EFHB: variants seen among roughly 807,000 people sequenced by gnomAD.
EFHB encodes EF-hand domain-containing family member B.
A neutral mutation model predicts 87.2 loss-of-function variants in EFHB; 91 were observed. That is an observed-to-expected ratio of 1.04 (90% CI 0.88 to 1.24). EFHB has a LOEUF of 1.24. Ranked by LOEUF, EFHB falls within the 50% of genes most tolerant of loss-of-function variation. EFHB has a pLI of 0.00. For synonymous variants in EFHB, 325 were observed against 333.6 expected (o/e 0.97, Z 0.28); for missense variants, 1,084 against 998.8 (o/e 1.09, Z -1.15).
upstream of EFHB, chr3:19,936,028 AAG>A: frequency 1.7e-6 from 2 of 1,161,476 alleles, no homozygotes; most frequent in Non-Finnish European, 2.2e-6. Context: ...AAAAAAAAAA[AAG>A]CAAAACAGAA....
intron 12 of EFHB, among the ~76,000 whole-genome samples, chr3:19,880,058 T>C (rs1184197404): frequency 6.6e-6 from 1 of 152,112 alleles, no homozygotes; most frequent in Non-Finnish European, 1.5e-5. Flanking sequence ...CTAGCCAATA[T>C]ATAAAGTTAT....
chr3:19,911,991 C>T (rs1164132746), intron 5 of EFHB, among the ~76,000 whole-genome samples: 1 of 151,564 alleles, frequency 6.6e-6, no homozygotes, highest in Non-Finnish European at 1.5e-5. Flanking sequence ...AAAGTTATTG[C>T]CCTTAAGGAG....
At chr3:19,909,754 A>G (rs1694992799) in intron 5 of EFHB, among the ~76,000 whole-genome samples, 1 of 152,150 alleles carries the variant, frequency 6.6e-6, no homozygotes, top group Non-Finnish European at 1.5e-5. Context: ...CCTCAGCCAC[A>G]GCAAGATAGG....
intron 1 of EFHB, among the ~76,000 whole-genome samples, chr3:19,939,400 TGG>T (rs57389310): frequency 1.8e-5 from 2 of 111,464 alleles, no homozygotes; most frequent in African/African-American, 3.4e-5. Flanking sequence ...TTTTTTTTTT[TGG>T]GATGGAGTCT....
intron 1 of EFHB, among the ~76,000 whole-genome samples, chr3:19,930,994 A>G (rs757750526): frequency 3.9e-5 from 6 of 151,934 alleles, no homozygotes; most frequent in Non-Finnish European, 7.4e-5. Flanking sequence ...TTAAATTTAG[A>G]AAAAAAAGAA....
intron 5 of EFHB, among the ~76,000 whole-genome samples, chr3:19,911,950 A>T (rs953283372): frequency 6.6e-6 from 1 of 151,902 alleles, no homozygotes; most frequent in Non-Finnish European, 1.5e-5. Context: ...ATTTATTATT[A>T]TTTTTTATTT....
chr3:19,931,410 C>G (rs1306483075), intron 1 of EFHB, among the ~76,000 whole-genome samples: 2 of 152,136 alleles, frequency 1.3e-5, no homozygotes, highest in East Asian at 1.9e-4. Flanking sequence ...GAGATCAGAT[C>G]AGATCAGAAG....
At chr3:19,892,869 A>C (rs1694347653) in intron 9 of EFHB, among the ~76,000 whole-genome samples, 1 of 117,550 alleles carries the variant, frequency 8.5e-6, no homozygotes. Context: ...AATAAAATAA[A>C]ATAAAATAAA....
intron 9 of EFHB, 109 bp downstream of exon 9, chr3:19,896,578 G>A (rs748203320): frequency 1.4e-6 from 2 of 1,403,984 alleles, no homozygotes; most frequent in East Asian, 2.3e-5. Flanking sequence ...CAAACAAACA[G>A]TGGGCTGGAT....
chr3:19,896,218 T>G (rs1412319881), intron 9 of EFHB, among the ~76,000 whole-genome samples: 4 of 152,178 alleles, frequency 2.6e-5, no homozygotes, highest in Non-Finnish European at 4.4e-5. Flanking sequence ...ACAGTGGTTC[T>G]CAAACTTGAA....
chr3:19,911,572 AAAC>A (rs955811530), intron 5 of EFHB, among the ~76,000 whole-genome samples: 3 of 151,828 alleles, frequency 2.0e-5, no homozygotes, highest in Non-Finnish European at 2.9e-5. Flanking sequence ...AACAAAAACA[AAAC>A]AACAACAACA....
intron 6 of EFHB, among the ~76,000 whole-genome samples, chr3:19,902,477 C>A (rs953714085): frequency 1.3e-5 from 2 of 152,112 alleles, no homozygotes; most frequent in African/African-American, 4.8e-5. Flanking sequence ...GCCTCAGCCT[C>A]CCAAGTAGCT....
At position 19,896,839 on chromosome 3, in the gene EFHB, C is replaced by T; in HGVS notation, c.1573G>A (p.Val525Ile). 1 of 1,610,548 alleles carries T rather than the reference C, an allele frequency of 6.2e-7. No individual in the cohort carries two copies. ...GACLRPEEYG[V>I]GDLIHNRLPD... is the part of the protein sequence containing the mutation. Reference sequence around the variant, plus strand: ...AGTCTATTATGGATGAGATCACCAACTCCTATTGAAGAGAGAAAAAACTTT... The same window carrying T: ...AGTCTATTATGGATGAGATCACCAATTCCTATTGAAGAGAGAAAAAACTTT... Residue 525 changes from valine to isoleucine, a missense_variant and splice_region_variant, in exon 9 of 13, where the codon GTT (valine) becomes ATT (isoleucine). Transcript: ENST00000295824.
At chr3:19,943,093 C>A in intron 1 of EFHB, 1 of 257,832 alleles carries the variant, frequency 3.9e-6, no homozygotes, top group South Asian at 5.7e-5. Context: ...TGTGTCCAAT[C>A]AGCAATCAGA....
chr3:19,888,618 G>A lies in EFHB; in HGVS notation c.1759C>T (p.Gln587Ter). 6.2e-7 allele frequency: 1 copy of A among 1,606,988 alleles called. No individual in the cohort carries two copies. The highest frequency in any genetic ancestry group is 8.5e-7 in the Non-Finnish European group (1 of 1,176,318). Residue 587 changes from glutamine (Q) to a stop codon, truncating the protein, a stop_gained, in exon 10 of 13, where the codon CAG (glutamine) becomes TAG (stop). Transcript: ENST00000295824. LOFTEE classifies it high-confidence loss of function. Reference sequence around the variant, plus strand: ...AAGTTGGCCTGGTCACAAGCTTCCTGCAGCTCGTCTTTATCTATCATCCCA... The same window carrying A: ...AAGTTGGCCTGGTCACAAGCTTCCTACAGCTCGTCTTTATCTATCATCCCA... The part of the protein sequence containing the change: ...GDGMIDKDEL[Q>*]EACDQANLSL...
intron 5 of EFHB, among the ~76,000 whole-genome samples, 181 bp from the exon 6 acceptor site, chr3:19,905,930 G>A (rs963501088): frequency 3.3e-5 from 5 of 152,162 alleles, no homozygotes; most frequent in African/African-American, 9.7e-5. Flanking sequence ...ATGTGAGCTG[G>A]GAGACTGGTG....
Position 19,921,371 on chromosome 3 carries a change from C to T in EFHB, c.790-804G>A, listed in dbSNP as rs114803473. Among the ~76,000 whole-genome samples, 861 of 151,904 alleles carry T rather than the reference C, an allele frequency of 5.7e-3. 6 individuals are homozygous for T. The highest frequency in any genetic ancestry group is 0.02 in the African/African-American group (840 of 41,406). On this transcript the variant is annotated intron_variant, in intron 1 of 12. Coordinates refer to ENST00000295824, the MANE Select transcript of EFHB (RefSeq NM_144715.4). ...AAAAGAGGAAGCCCACAGACATAGC[C>T]AGGCAGAAAACTGAATTGCTTTGTT...
intron 1 of EFHB, among the ~76,000 whole-genome samples, chr3:19,932,114 A>C (rs555461173): frequency 6.6e-6 from 1 of 152,332 alleles, no homozygotes; most frequent in African/African-American, 2.4e-5. Context: ...CACCACGTAG[A>C]TCCACAACTG....
intron 1 of EFHB, among the ~76,000 whole-genome samples, chr3:19,925,041 C>A (rs1695571459): frequency 6.6e-6 from 1 of 151,922 alleles, no homozygotes; most frequent in Non-Finnish European, 1.5e-5. Flanking sequence ...GTCAGGAGAT[C>A]AAGACCATCC....
Sources: gnomAD v4.1 joint callset for allele counts (sites outside exome capture counted in the v4.1 genomes callset) on GRCh38, gnomAD v4.1.1 for gene constraint, MANE v1.5 for transcripts, NCBI Gene and HGNC (gene_info 2026-07-23, HGNC 2026-07-21) for gene names.